The following CLK3 variants were observed in gnomAD, a reference collection of about 807,000 sequenced individuals.
CLK3 encodes the protein dual specificity protein kinase CLK3.
CLK3 carries 24 observed loss-of-function variants against 65.2 expected under a neutral mutation model. The observed-to-expected ratio is 0.37, with a 90% CI of 0.27 to 0.52. CLK3 has a LOEUF of 0.52. Ranked by LOEUF, CLK3 falls within the 20% of genes least tolerant of loss-of-function variation. The pLI is 0.92. For synonymous variants in CLK3, 252 were observed against 240.8 expected (o/e 1.05, Z -0.43); for missense variants, 506 against 660.0 (o/e 0.77, Z 2.56).
rs191789873 is a variant in CLK3, at chr15:74,620,388, G to C, written c.369+163G>C. ...TGTTGTCTGGTCCAGGTGTAGGGCT[G>C]ATCACAGGGTCCTGGCCTCTGTGTC... is the stretch of plus-strand genomic sequence containing the variant. On this transcript the variant is annotated intron_variant, in intron 3 of 12. Transcript: ENST00000395066. The C allele has an allele frequency of 2.3e-4, 220 of 963,500 alleles. No homozygotes were observed. The East Asian group carries it at 5.5e-3, about 24-fold the overall frequency. The allele number at this position is 963,500 out of a possible 1,614,324, so 59.7% of individuals were successfully genotyped here.
Position 74,625,958 on chromosome 15 carries a change from C to T in CLK3, c.807C>T (p.His269=), listed in dbSNP as rs200717265. The change falls in exon 7 of 13, where the codon CAC becomes CAT. Residue 269 remains histidine, a synonymous_variant. Transcript: ENST00000395066. The stretch of plus-strand genomic sequence containing the variant: ...GGCACATGGCCTACCAGCTCTGCCA[C>T]GCCCTTAGATGTAAGTGTCCACCCT... ...HVRHMAYQLC[H]ALRFLHENQL... 1,352 of 1,614,104 alleles carry T rather than the reference C, an allele frequency of 8.4e-4. 16 individuals are homozygous for T. The South Asian group carries it at 0.014, about 16-fold the overall frequency.
At chr15:74,614,053 G>A (rs550403942), upstream of CLK3, among the ~76,000 whole-genome samples, 4 of 152,300 alleles carry the variant, frequency 2.6e-5, no homozygotes, top group East Asian at 7.7e-4. Context: ...TTGCTCTCTT[G>A]CGCAGGCTGC....
At chr15:74,628,523 C>T (rs1214291107) in intron 10 of CLK3, 81 bp from the exon 11 acceptor site, 2 of 1,010,296 alleles carry the variant, frequency 2.0e-6, no homozygotes, top group Non-Finnish European at 3.0e-6. Flanking sequence ...AGGGCACTTG[C>T]CCATCTTTCT....
At position 74,627,272 on chromosome 15, in the gene CLK3, TG is replaced by T. The variant is rs1292023731; in HGVS notation, c.818-78del. The T allele has an allele frequency of 9.0e-7, 1 of 1,111,656 alleles. No individual in the cohort carries two copies. The highest frequency in any genetic ancestry group is 1.4e-6 in the Non-Finnish European group (1 of 724,736). 68.9% of individuals were successfully genotyped at this position (1,111,656 alleles called of 1,614,324 possible). Reference sequence around the variant, plus strand: ...GAGGACCTCTGGCAGTTGCTGGCATTGGAAGAGGGGTCTGGCCTAGAGCTGG... The same window carrying T: ...GAGGACCTCTGGCAGTTGCTGGCATTGAAGAGGGGTCTGGCCTAGAGCTGG... On this transcript the variant is annotated intron_variant, in intron 7 of 12. Transcript: ENST00000395066. The surrounding 1 kb of genome is among the most constrained non-coding windows in gnomAD (Gnocchi z 4.3).
Position 74,620,108 on chromosome 15 carries a change from T to C in CLK3, c.252T>C (p.Tyr84=), listed in dbSNP as rs2062089855. Residue 84 remains tyrosine, a synonymous_variant, in exon 3 of 13, where the codon TAT becomes TAC. Coordinates refer to ENST00000395066, the MANE Select transcript of CLK3 (RefSeq NM_001130028.2). ...GCCCATCCTTTGGAGAGGACTACTA[T>C]GGACCTTCACGTTCTCGTCATCGTC... ...ERSPSFGEDY[Y]GPSRSRHRRR... The C allele has an allele frequency of 6.2e-7, 1 of 1,614,074 alleles. No individual in the cohort carries two copies. Among genetic ancestry groups the C allele is most frequent in the Non-Finnish European group, 8.5e-7 (1 of 1,180,040 alleles).
upstream of CLK3, chr15:74,615,517 CG>C: frequency 7.7e-7 from 1 of 1,297,758 alleles, no homozygotes; most frequent in Non-Finnish European, 9.8e-7. Flanking sequence ...GGCGACGGAG[CG>C]GGCCCAGCCC....
At position 74,615,875 on chromosome 15, in the gene CLK3, G is replaced by A; in HGVS notation, c.-24G>A. The A allele has an allele frequency of 8.0e-7, 1 of 1,255,540 alleles. No individual in the cohort carries two copies. The highest frequency in any genetic ancestry group is 1.0e-6 in the Non-Finnish European group (1 of 1,000,104). The allele number at this position is 1,255,540 out of a possible 1,614,324, so 77.8% of individuals were successfully genotyped here. ...CGCTCGGAGCGGGGAGTGGGGCCTA[G>A]CTGCAGCCGGAGCCTGGGAGACGGT... On this transcript the variant is annotated 5_prime_UTR_variant, in exon 1 of 13. Transcript: ENST00000395066.
chr15:74,615,478 G>A (rs1207134370), upstream of CLK3: 8 of 1,315,654 alleles, frequency 6.1e-6, no homozygotes, highest in South Asian at 6.3e-5. Flanking sequence ...CCGCGCGCAG[G>A]AGGGAGTTGG....
rs999950176 is a variant in CLK3 at position 74,625,328 on chromosome 15, G to C, written c.650+310G>C. On this transcript the variant is annotated intron_variant, in intron 6 of 12. Coordinates refer to ENST00000395066, the MANE Select transcript of CLK3 (RefSeq NM_001130028.2). Reference sequence around the variant, plus strand: ...CACATAGTAGGAGATACCCAAAGGAGGGCCTTTCTGTGGCAGACACACTGA... The same window carrying C: ...CACATAGTAGGAGATACCCAAAGGACGGCCTTTCTGTGGCAGACACACTGA... Among the ~76,000 whole-genome samples, 29 of 152,314 alleles carry C rather than the reference G, an allele frequency of 1.9e-4. No homozygotes were observed. In the Middle Eastern group the frequency reaches 0.01, roughly 54 times the overall value.
intron 5 of CLK3, among the ~76,000 whole-genome samples, chr15:74,623,296 TTC>T (rs761268677): frequency 2.6e-5 from 4 of 152,264 alleles, no homozygotes; most frequent in Non-Finnish European, 4.4e-5. Context: ...GGTTTGGCAC[TTC>T]AGCTACAAAG....
At position 74,627,720 on chromosome 15, in the gene CLK3, G is replaced by T. The variant is rs201105533; in HGVS notation, c.1042+52G>T. 779 of 1,606,812 alleles carry T rather than the reference G, an allele frequency of 4.8e-4. 1 individual carries two copies. The highest frequency in any genetic ancestry group is 6.1e-4 in the Non-Finnish European group (713 of 1,175,066). On this transcript the variant is annotated intron_variant, in intron 9 of 12. Transcript: ENST00000395066. This position sits in a 1 kb window ranked among gnomAD's most constrained non-coding sequence, Gnocchi z 4.3. Reference sequence around the variant, plus strand: ...TGTCATACTGGACTGTTGTTGGGAGGGTATGAGCAGAGGCAGTGGCATGCC... The same window carrying T: ...TGTCATACTGGACTGTTGTTGGGAGTGTATGAGCAGAGGCAGTGGCATGCC...
At chr15:74,614,809 G>T (rs1038700842), upstream of CLK3, 3 of 152,232 alleles carry the variant, frequency 2.0e-5, no homozygotes, top group African/African-American at 7.2e-5. Flanking sequence ...CGGTCCCAAG[G>T]AGGGGGCGGT....
rs2062168645 is a variant in CLK3, at chr15:74,629,041, C to T, written c.1296+9C>T. On this transcript the variant is annotated intron_variant, in intron 12 of 12. Coordinates refer to ENST00000395066, the MANE Select transcript of CLK3 (RefSeq NM_001130028.2). ...ACTGCAAACCTCTGAAGGTCAGTTT[C>T]TGGCTACCCCCAGCTGAACTCATGC... 9 of 1,602,646 alleles carry T rather than the reference C, an allele frequency of 5.6e-6. No homozygotes were observed. The highest frequency in any genetic ancestry group is 7.7e-6 in the Non-Finnish European group (9 of 1,169,578).
At chr15:74,626,891 A>G in intron 7 of CLK3, 2 of 433,824 alleles carry the variant, frequency 4.6e-6, no homozygotes, top group Non-Finnish European at 9.3e-6. Context: ...CTGTGCACTC[A>G]GTCGCACAGG....
upstream of CLK3, chr15:74,615,417 C>T: frequency 7.9e-7 from 1 of 1,264,536 alleles, no homozygotes; most frequent in Non-Finnish European, 1.0e-6. Context: ...GCACACAGAC[C>T]TCAGGCCGCT....
chr15:74,615,661 C>T (rs993374086), upstream of CLK3: 14 of 1,246,964 alleles, frequency 1.1e-5, no homozygotes, highest in Non-Finnish European at 1.3e-5. Context: ...GTCCCCTCGG[C>T]CCTCCCGGAA....
chr15:74,624,541 AGGG>A lies in CLK3; in HGVS notation c.534-360_534-358del. The A allele has an allele frequency of 6.8e-5, 13 of 190,782 alleles. No individual in the cohort carries two copies. Among genetic ancestry groups the A allele is most frequent in the South Asian group, 3.4e-4 (2 of 5,934 alleles). 11.8% of individuals were successfully genotyped at this position (190,782 alleles called of 1,614,324 possible). On this transcript the variant is annotated intron_variant, in intron 5 of 12. Transcript: ENST00000395066. The surrounding 1 kb of genome is among the most constrained non-coding windows in gnomAD (Gnocchi z 4.2). ...GGGTTCTCGGTGGGACAGCCTGGCC[AGGG>A]TTGGGGCTGCCTGGCCTATAGGTTA...
At chr15:74,615,959 C>T (rs2062055142) in intron 1 of CLK3, 61 bp downstream of exon 1, 4 of 1,161,798 alleles carry the variant, frequency 3.4e-6, no homozygotes, top group African/African-American at 1.6e-5. Context: ...GGTGAGTCGG[C>T]GGGGCAGGCG....
rs552096911 is a variant in CLK3, at chr15:74,629,979, C to A, written c.*96C>A. On this transcript the variant is annotated 3_prime_UTR_variant, in exon 13 of 13. Coordinates refer to ENST00000395066, the MANE Select transcript of CLK3 (RefSeq NM_001130028.2). ...ACCGCCAGGCCCCAGGCCAGAGCCA[C>A]CCAATGAACAGTGCAATGTGAAGGA... is the stretch of plus-strand genomic sequence containing the variant. 8.1e-6 allele frequency: 10 copies of A among 1,238,772 alleles called. No homozygotes were observed. The African/African-American group carries it at 1.4e-4, about 17-fold the overall frequency. 76.7% of individuals were successfully genotyped at this position (1,238,772 alleles called of 1,614,324 possible).
Sources: allele counts gnomAD v4.1 joint callset (sites outside exome capture counted in the v4.1 genomes callset), GRCh38; gene constraint gnomAD v4.1.1; non-coding constraint Gnocchi (gnomAD v3.1); transcripts MANE v1.5; gene names NCBI Gene and HGNC (gene_info 2026-07-23, HGNC 2026-07-21).